STK39: variants seen among roughly 807,000 people sequenced by gnomAD.
The protein encoded by STK39 is STE20/SPS1-related proline-alanine-rich protein kinase.
STK39 carries 20 observed loss-of-function variants against 77.8 expected under a neutral mutation model. That is an observed-to-expected ratio of 0.26 (90% CI 0.18 to 0.37). The LOEUF is 0.37. STK39 is among the 10% of genes least tolerant of loss of function. The pLI is 1.00. For missense variants in STK39, 479 were observed against 656.5 expected, an observed-to-expected ratio of 0.73 and a Z score of 2.95; for synonymous variants, 246 against 234.1, an observed-to-expected ratio of 1.05 and a Z score of -0.47.
intron 1 of STK39, among the ~76,000 whole-genome samples, chr2:168,209,912 T>C (rs1227938655): frequency 2.0e-5 from 3 of 151,244 alleles, no homozygotes; most frequent in Non-Finnish European, 2.9e-5. Context: ...AGCAAGAGAA[T>C]TGCTTGAGCC....
intron 1 of STK39, among the ~76,000 whole-genome samples, chr2:168,239,832 G>A (rs192008795): frequency 2.0e-5 from 3 of 152,318 alleles, no homozygotes; most frequent in Admixed American, 6.5e-5. Context: ...GCCAGGGAGC[G>A]AAAGACCCAA....
At chr2:167,989,259 G>A (rs1212781810) in intron 16 of STK39, among the ~76,000 whole-genome samples, 1 of 152,058 alleles carries the variant, frequency 6.6e-6, no homozygotes, top group East Asian at 1.9e-4. Context: ...TGAATGAAGG[G>A]GTGAATAATA....
rs751028855 is a variant in STK39, at chr2:168,140,316, C to T, written c.813G>A (p.Ala271=). Residue 271 remains alanine, a synonymous_variant, in exon 7 of 18, where the codon GCG becomes GCA. Coordinates refer to ENST00000355999, the MANE Select transcript of STK39 (RefSeq NM_013233.3). ...TCATGGGAGGATATTTGTGATAAGG[C>T]GCTGCTCCTGTTGCTAATTCAATGG... ...ITAIELATGA[A]PYHKYPPMKV... 3.7e-6 allele frequency: 6 copies of T among 1,613,844 alleles called. No individual in the cohort carries two copies. The highest frequency in any genetic ancestry group is 1.3e-5 in the African/African-American group (1 of 74,908).
intron 14 of STK39, among the ~76,000 whole-genome samples, chr2:168,042,016 T>A (rs1685118978): frequency 6.6e-6 from 1 of 152,220 alleles, no homozygotes; most frequent in African/African-American, 2.4e-5. Context: ...AATCTTTTAA[T>A]CCTATAGGTC....
chr2:168,241,040 G>C (rs913615766), intron 1 of STK39, among the ~76,000 whole-genome samples: 1 of 152,242 alleles, frequency 6.6e-6, no homozygotes, highest in African/African-American at 2.4e-5. Flanking sequence ...TGGGCTGAGA[G>C]GGAATGGGAG....
At chr2:168,207,545 C>A (rs1269596488) in intron 1 of STK39, among the ~76,000 whole-genome samples, 1 of 152,182 alleles carries the variant, frequency 6.6e-6, no homozygotes, top group Non-Finnish European at 1.5e-5. Flanking sequence ...TATATTCACA[C>A]ACAAAGAATA....
At chr2:168,194,325 T>C (rs1195715160) in intron 1 of STK39, among the ~76,000 whole-genome samples, 7 of 151,804 alleles carry the variant, frequency 4.6e-5, no homozygotes, top group Non-Finnish European at 8.8e-5. Flanking sequence ...AAGGCAGAGG[T>C]GGGAGGATAG....
intron 16 of STK39, among the ~76,000 whole-genome samples, chr2:167,981,630 AT>A (rs1199477632): frequency 2.0e-5 from 3 of 152,208 alleles, no homozygotes; most frequent in Admixed American, 2.0e-4. Context: ...TCAATTTAAC[AT>A]TTGTCTTGTA....
intron 2 of STK39, among the ~76,000 whole-genome samples, chr2:168,170,214 G>A (rs1419681533): frequency 1.3e-5 from 2 of 152,234 alleles, no homozygotes; most frequent in African/African-American, 2.4e-5. Context: ...TTATTTGAAA[G>A]CTCCCTTGGT....
intron 1 of STK39, among the ~76,000 whole-genome samples, chr2:168,235,654 T>C (rs1268422185): frequency 5.3e-5 from 7 of 131,352 alleles, no homozygotes; most frequent in Non-Finnish European, 1.1e-4. Context: ...CCTTCCTGTG[T>C]CCATGTGTTC....
At chr2:168,106,793 G>C (rs1686985853) in intron 10 of STK39, among the ~76,000 whole-genome samples, 1 of 152,166 alleles carries the variant, frequency 6.6e-6, no homozygotes, top group African/African-American at 2.4e-5. Flanking sequence ...CTGCACTCCA[G>C]CCTGGGTTAC....
At chr2:168,081,312 G>A (rs887710716) in intron 10 of STK39, among the ~76,000 whole-genome samples, 3 of 152,196 alleles carry the variant, frequency 2.0e-5, no homozygotes, top group African/African-American at 4.8e-5. Context: ...TTGCATCAGC[G>A]TAACCTGGAT....
chr2:168,102,705 A>G (rs1241070594), intron 10 of STK39, among the ~76,000 whole-genome samples: 2 of 151,892 alleles, frequency 1.3e-5, no homozygotes, highest in East Asian at 1.9e-4. Flanking sequence ...CAAGGCGGGC[A>G]GATTATGAGG....
chr2:168,055,165 T>C (rs1344529841), intron 14 of STK39, among the ~76,000 whole-genome samples: 1 of 152,152 alleles, frequency 6.6e-6, no homozygotes, highest in Non-Finnish European at 1.5e-5. Flanking sequence ...AAAAAATTAA[T>C]CAAACCTCCC....
intron 1 of STK39, among the ~76,000 whole-genome samples, chr2:168,214,638 C>T (rs555283812): frequency 7.9e-5 from 12 of 152,020 alleles, no homozygotes; most frequent in African/African-American, 2.9e-4. Flanking sequence ...GTGGATTACA[C>T]CTCAGAAAAA....
intron 10 of STK39, among the ~76,000 whole-genome samples, chr2:168,114,210 C>T (rs1687197986): frequency 6.6e-6 from 1 of 152,170 alleles, no homozygotes; most frequent in African/African-American, 2.4e-5. Context: ...GAGGTTGTAG[C>T]TGTTGGGTTA....
At position 167,977,942 on chromosome 2, in the gene STK39, G is replaced by A. The variant is rs185582977; in HGVS notation, c.1499-13216C>T. 4.7e-4 allele frequency among the ~76,000 whole-genome samples: 71 copies of A among 152,298 alleles called. 1 individual carries two copies. The highest frequency in any genetic ancestry group is 7.2e-4 in the Admixed American group (11 of 15,288). On this transcript the variant is annotated intron_variant, in intron 16 of 17. Coordinates refer to ENST00000355999, the MANE Select transcript of STK39 (RefSeq NM_013233.3). ...AGTTTTTAAGGATAATTCTGAGGAA[G>A]GGGCTTGGGAAGTGGGGAGTGCTGA...
intron 5 of STK39, among the ~76,000 whole-genome samples, chr2:168,143,389 C>T (rs1175461438): frequency 6.6e-6 from 1 of 152,206 alleles, no homozygotes; most frequent in African/African-American, 2.4e-5. Flanking sequence ...GCAACCAGGC[C>T]TTTCTATGTC....
intron 1 of STK39, among the ~76,000 whole-genome samples, chr2:168,238,698 C>G (rs916704601): frequency 2.6e-5 from 4 of 152,234 alleles, no homozygotes; most frequent in Admixed American, 6.5e-5. Context: ...TAAATCGACT[C>G]TAGAAATAAA....
Sources: gnomAD v4.1 joint callset for allele counts (sites outside exome capture counted in the v4.1 genomes callset) on GRCh38, gnomAD v4.1.1 for gene constraint, MANE v1.5 for transcripts, NCBI Gene and HGNC (gene_info 2026-07-23, HGNC 2026-07-21) for gene names.